The following UPRT variants were observed in gnomAD, a reference collection of about 807,000 sequenced individuals.
UPRT encodes the protein RP11-311P8.3.
In UPRT, 5 loss-of-function variants were observed where a neutral mutation model predicts 22.6. The ratio of observed to expected loss-of-function variants is 0.22; its 90% CI spans 0.12 to 0.47. The LOEUF is 0.47. UPRT is among the 20% of genes least tolerant of loss of function. The probability of loss-of-function intolerance (pLI) is 0.99; values close to 1 mark genes in which losing one functional copy is unlikely to be tolerated. For synonymous variants in UPRT, 77 were observed against 87.7 expected (o/e 0.88, Z 0.68); for missense variants, 181 against 239.9 (o/e 0.75, Z 1.62).
chrX:75,299,722 TTTC>T lies in UPRT; in HGVS notation c.563-6_563-4del. 8.4e-7 allele frequency: 1 copy of T among 1,189,994 alleles called. No individual in the cohort carries two copies. The highest frequency in any genetic ancestry group is 1.1e-6 in the Non-Finnish European group (1 of 885,794). Reference sequence around the variant, plus strand: ...TTCCCCTAATCTTTTTTCTTTCTTTTTTCTTCTTCAAGGTGAGGCAATGGAACA... The same window carrying T: ...TTCCCCTAATCTTTTTTCTTTCTTTTTTCTTCAAGGTGAGGCAATGGAACA... On this transcript the variant is annotated splice_polypyrimidine_tract_variant and intron_variant, in intron 4 of 6. Transcript: ENST00000373383.
At chrX:75,231,012 C>T (rs1169116322) in intron 4 of UPRT, among the ~76,000 whole-genome samples, 3 of 99,047 alleles carry the variant, frequency 3.0e-5, no homozygotes, top group African/African-American at 7.2e-5. Flanking sequence ...AGAAACCAGA[C>T]AAGTAATTCT....
intron 4 of UPRT, among the ~76,000 whole-genome samples, chrX:75,179,083 C>T (rs2082260174): frequency 8.9e-6 from 1 of 111,998 alleles, no homozygotes; most frequent in Non-Finnish European, 1.9e-5. Flanking sequence ...AGCAGCTAGA[C>T]ACCAGAGTGT....
chrX:75,196,270 A>T (rs1421857729), intron 4 of UPRT, among the ~76,000 whole-genome samples: 1 of 112,025 alleles, frequency 8.9e-6, no homozygotes, highest in Non-Finnish European at 1.9e-5. Context: ...GGCTCAAGTG[A>T]TCCTCCTGCC....
intron 4 of UPRT, among the ~76,000 whole-genome samples, chrX:75,204,426 G>C (rs982430683): frequency 2.2e-4 from 25 of 112,551 alleles, no homozygotes; most frequent in Non-Finnish European, 4.3e-4. Context: ...AAGCTTTTTT[G>C]CCACACAGGA....
chrX:75,255,789 G>T (rs1390409498), intron 4 of UPRT, among the ~76,000 whole-genome samples: 4 of 111,870 alleles, frequency 3.6e-5, no homozygotes, highest in Non-Finnish European at 7.5e-5. Flanking sequence ...AATGGTAAAA[G>T]GCCTTGTCCA....
chrX:75,276,777 A>G (rs1033678503), intron 1 of UPRT, among the ~76,000 whole-genome samples: 1 of 111,636 alleles, frequency 9.0e-6, no homozygotes, highest in Admixed American at 9.5e-5. Context: ...AAAGTGTATA[A>G]TTCAGTGGTT....
At chrX:75,233,789 T>C (rs2082448849) in intron 4 of UPRT, among the ~76,000 whole-genome samples, 1 of 110,716 alleles carries the variant, frequency 9.0e-6, no homozygotes, top group Non-Finnish European at 1.9e-5. Flanking sequence ...AAGGAAGCAC[T>C]AAACATGGAA....
At chrX:75,242,329 T>A (rs902102978) in intron 4 of UPRT, among the ~76,000 whole-genome samples, 2 of 110,812 alleles carry the variant, frequency 1.8e-5, no homozygotes, top group African/African-American at 6.5e-5. Flanking sequence ...TCTGGGAGCT[T>A]AGTGCAAAAA....
intron 4 of UPRT, among the ~76,000 whole-genome samples, chrX:75,179,841 C>T (rs1044794236): frequency 4.4e-5 from 5 of 112,896 alleles, no homozygotes; most frequent in Admixed American, 9.2e-5. Flanking sequence ...CACACCTACC[C>T]GGAACTCCAG....
At chrX:75,172,202 G>C (rs1169309447) in intron 4 of UPRT, among the ~76,000 whole-genome samples, 1 of 111,222 alleles carries the variant, frequency 9.0e-6, no homozygotes, top group African/African-American at 3.3e-5. Flanking sequence ...AAGACCATTA[G>C]GTGGGGGCAG....
At chrX:75,242,767 C>G (rs1312665822) in intron 4 of UPRT, among the ~76,000 whole-genome samples, 1 of 111,449 alleles carries the variant, frequency 9.0e-6, no homozygotes, top group Non-Finnish European at 1.9e-5. Context: ...TCTCCCAACT[C>G]TACTCCTTAT....
chrX:75,178,109 G>A (rs1316103807), intron 4 of UPRT, among the ~76,000 whole-genome samples: 2 of 112,164 alleles, frequency 1.8e-5, no homozygotes, highest in African/African-American at 6.5e-5. Flanking sequence ...GTTGACCCTC[G>A]GCTCAGCCCA....
At chrX:75,169,809 T>C (rs936256606) in intron 4 of UPRT, among the ~76,000 whole-genome samples, 6 of 111,933 alleles carry the variant, frequency 5.4e-5, no homozygotes, top group African/African-American at 2.0e-4. Context: ...GAGTATAGTT[T>C]AAGTCCATTG....
At chrX:75,246,230 A>T (rs1223401306) in intron 4 of UPRT, among the ~76,000 whole-genome samples, 2 of 103,256 alleles carry the variant, frequency 1.9e-5, no homozygotes, top group Non-Finnish European at 4.0e-5. Flanking sequence ...CATTAGGTAT[A>T]TCTCCTAAAG....
At chrX:75,232,272 A>C (rs755034684) in intron 4 of UPRT, among the ~76,000 whole-genome samples, 1 of 112,653 alleles carries the variant, frequency 8.9e-6, no homozygotes, top group Non-Finnish European at 1.9e-5. Context: ...TATCCCGCAC[A>C]TGGCTCGGAG....
intron 4 of UPRT, 138 bp downstream of exon 4, chrX:75,297,691 A>T: frequency 1.4e-6 from 1 of 710,990 alleles, no homozygotes; most frequent in Non-Finnish European, 2.2e-6. Flanking sequence ...ATCTAGCCTC[A>T]TGGTGCTGTG....
chrX:75,161,162 T>C (rs1243042324), intron 2 of UPRT, among the ~76,000 whole-genome samples: 1 of 112,463 alleles, frequency 8.9e-6, no homozygotes, highest in Non-Finnish European at 1.9e-5. Context: ...TGCACTGCAC[T>C]GCACTGGGTG....
At chrX:75,280,316 A>G (rs2082650036) in intron 1 of UPRT, among the ~76,000 whole-genome samples, 1 of 111,112 alleles carries the variant, frequency 9.0e-6, no homozygotes, top group Non-Finnish European at 1.9e-5. Flanking sequence ...TTTTTATTGC[A>G]TTTGCTTTTG....
rs537790362 is a variant in UPRT at position 75,214,959 on chromosome X, A to T, written c.-447+47080A>T. Reference sequence around the variant, plus strand: ...AGATCTTATATTAAGTATTCTCAACACACACACACACACACACACACACAC... The same window carrying T: ...AGATCTTATATTAAGTATTCTCAACTCACACACACACACACACACACACAC... On this transcript the variant is annotated intron_variant, in intron 4 of 13. Transcript: ENST00000652605. Among the ~76,000 whole-genome samples, 21 of 96,126 alleles carry T rather than the reference A, an allele frequency of 2.2e-4. 1 individual carries two copies. The South Asian group carries it at 9.6e-3, about 44-fold the overall frequency. The allele number at this position is 96,126 out of a possible 115,157, so 83.5% of individuals were successfully genotyped here. A position where few individuals can be genotyped will look rare whatever the true frequency, so the allele number is the denominator to read the frequency against.
Sources: allele counts gnomAD v4.1 joint callset (sites outside exome capture counted in the v4.1 genomes callset), GRCh38; gene constraint gnomAD v4.1.1; transcripts MANE v1.5; gene names NCBI Gene and HGNC (gene_info 2026-07-23, HGNC 2026-07-21).